The following STK32B variants were observed in gnomAD, a reference collection of about 807,000 sequenced individuals.
The protein encoded by STK32B is serine/threonine kinase 32B.
STK32B carries 43 observed loss-of-function variants against 52.6 expected under a neutral mutation model. The ratio of observed to expected loss-of-function variants is 0.82; its 90% confidence interval spans 0.64 to 1.05. The LOEUF is 1.05. STK32B is among the 50% of genes least tolerant of loss of function. The pLI is 0.00. For synonymous variants in STK32B, 238 were observed against 204.3 expected, an observed-to-expected ratio of 1.17 and a Z score of -1.41; for missense variants, 621 against 534.6, an observed-to-expected ratio of 1.16 and a Z score of -1.59.
Position 5,430,235 on chromosome 4 carries a change from T to C in STK32B, c.562+13301T>C, listed in dbSNP as rs147052545. 6.7e-3 allele frequency among the ~76,000 whole-genome samples: 1,019 copies of C among 152,298 alleles called. 6 individuals are homozygous for C. Among genetic ancestry groups the C allele is most frequent in the Non-Finnish European group, 9.2e-3 (623 of 68,008 alleles). On this transcript the variant is annotated intron_variant, in intron 6 of 11. Transcript: ENST00000282908. ...TCAAAACCCGAAGTGAGATGTTTGA[T>C]ATTTTCCCTCACAATATTTACATGC...
rs56268219 is a variant in STK32B at position 5,453,773 on chromosome 4, C to T, written c.667-3034C>T. Among the ~76,000 whole-genome samples, 8,787 of 151,990 alleles carry T rather than the reference C, an allele frequency of 0.058. 459 individuals are homozygous for T. Among genetic ancestry groups the T allele is most frequent in the African/African-American group, 0.14 (5,678 of 41,414 alleles). Reference sequence around the variant, plus strand: ...AAAAAAGATTAGTGGGGCATGGTGACGCGTGCCTGTAATCCCAGCTACTTG... The same window carrying T: ...AAAAAAGATTAGTGGGGCATGGTGATGCGTGCCTGTAATCCCAGCTACTTG... On this transcript the variant is annotated intron_variant, in intron 7 of 11. Transcript: ENST00000282908. The surrounding 1 kb of genome is among the most constrained non-coding windows in gnomAD (Gnocchi z 4.0).
At chr4:5,033,263 A>T in the STK32B span, among the ~76,000 whole-genome samples, 1 of 152,102 alleles carries the variant, frequency 6.6e-6, no homozygotes. Context: ...CGGCGTCCAC[A>T]GCTGCAGCAC....
At chr4:5,433,932 C>T (rs186802300) in intron 6 of STK32B, among the ~76,000 whole-genome samples, 23 of 152,360 alleles carry the variant, frequency 1.5e-4, no homozygotes, top group East Asian at 7.7e-4. Flanking sequence ...TCTCATTTCA[C>T]GCCCCATGTT....
At chr4:5,124,704 G>A in intron 1 of STK32B, among the ~76,000 whole-genome samples, 1 of 152,220 alleles carries the variant, frequency 6.6e-6, no homozygotes, top group Non-Finnish European at 1.5e-5. Context: ...ATGTGTACAT[G>A]TCTGTGTGCA....
chr4:5,312,734 C>A (rs894901977), intron 3 of STK32B, among the ~76,000 whole-genome samples: 2 of 150,238 alleles, frequency 1.3e-5, no homozygotes, highest in African/African-American at 4.9e-5. Flanking sequence ...GTGAATAGTG[C>A]CACAATAAAC....
At chr4:5,358,561 A>G (rs1734324635) in intron 4 of STK32B, among the ~76,000 whole-genome samples, 1 of 152,090 alleles carries the variant, frequency 6.6e-6, no homozygotes, top group Non-Finnish European at 1.5e-5. Flanking sequence ...TTAAGAACAA[A>G]GACATTAAGA....
chr4:5,049,169 C>T (rs905532062), upstream of STK32B, among the ~76,000 whole-genome samples: 1 of 152,140 alleles, frequency 6.6e-6, no homozygotes, highest in African/African-American at 2.4e-5. Flanking sequence ...TCAGCGCCAG[C>T]ACCCTCTCTG....
chr4:5,471,735 G>A (rs1717870435), intron 11 of STK32B, among the ~76,000 whole-genome samples: 1 of 152,108 alleles, frequency 6.6e-6, no homozygotes, highest in Admixed American at 6.5e-5. Context: ...TTGGAATCTT[G>A]CGCAGGAGAC....
chr4:5,201,377 G>A (rs1468395988), intron 3 of STK32B, among the ~76,000 whole-genome samples: 1 of 152,110 alleles, frequency 6.6e-6, no homozygotes, highest in Non-Finnish European at 1.5e-5. Context: ...GGTTCGCGCA[G>A]GACTGCCACA....
At chr4:5,025,151 G>C in the STK32B span, among the ~76,000 whole-genome samples, 1 of 152,112 alleles carries the variant, frequency 6.6e-6, no homozygotes, top group African/African-American at 2.4e-5. Context: ...TCTGACTCAG[G>C]ACCCAGCACT....
At chr4:5,494,570 T>C (rs556530616) in intron 11 of STK32B, among the ~76,000 whole-genome samples, 4 of 152,288 alleles carry the variant, frequency 2.6e-5, no homozygotes, top group Admixed American at 6.5e-5. Flanking sequence ...ATTTAGCCCA[T>C]TTACATTTAA....
intron 3 of STK32B, among the ~76,000 whole-genome samples, chr4:5,194,172 A>T (rs994239871): frequency 1.3e-5 from 2 of 151,972 alleles, no homozygotes; most frequent in African/African-American, 4.8e-5. Context: ...CTTTATAGAA[A>T]TTTTTTCCAT....
At chr4:5,218,929 G>A (rs1325928837) in intron 3 of STK32B, among the ~76,000 whole-genome samples, 1 of 152,008 alleles carries the variant, frequency 6.6e-6, no homozygotes, top group African/African-American at 2.4e-5. Flanking sequence ...AGGTGGCACA[G>A]GCCCCACTGA....
Position 5,439,750 on chromosome 4 carries a change from G to A in STK32B, c.563-6923G>A, listed in dbSNP as rs532862808. On this transcript the variant is annotated intron_variant, in intron 6 of 11. Coordinates refer to ENST00000282908, the MANE Select transcript of STK32B (RefSeq NM_018401.3). ...ATATGGTTTTAGGTCTAACGTTTAA[G>A]TCTTTAATCCATCTTGAATTGATTT... 4.3e-4 allele frequency among the ~76,000 whole-genome samples: 66 copies of A among 152,252 alleles called. 1 individual carries two copies. In the South Asian group the frequency reaches 0.012, roughly 28 times the overall value.
chr4:5,212,277 A>G (rs962690417), intron 3 of STK32B, among the ~76,000 whole-genome samples: 2 of 152,222 alleles, frequency 1.3e-5, no homozygotes, highest in African/African-American at 4.8e-5. Context: ...CATGTCTAAC[A>G]TGACACAGCT....
intron 1 of STK32B, among the ~76,000 whole-genome samples, chr4:5,097,447 C>G (rs1212987036): frequency 6.6e-6 from 1 of 152,182 alleles, no homozygotes; most frequent in African/African-American, 2.4e-5. Flanking sequence ...GATACTGTTT[C>G]AACAGAAATG....
At chr4:5,276,696 A>G (rs1161176816) in intron 3 of STK32B, among the ~76,000 whole-genome samples, 1 of 151,954 alleles carries the variant, frequency 6.6e-6, no homozygotes, top group African/African-American at 2.4e-5. Flanking sequence ...TCTTTTCATC[A>G]CGAGGCTGAG....
rs367853946 is a variant in STK32B, at chr4:5,350,174, C to G, written c.434+18781C>G. On this transcript the variant is annotated intron_variant, in intron 4 of 11. Coordinates refer to ENST00000282908, the MANE Select transcript of STK32B (RefSeq NM_018401.3). The stretch of plus-strand genomic sequence containing the variant: ...GGTTTACTCCATGGCACATTCTAGT[C>G]AAAATGTCAAAAGTCAAAGAAATTA... 5.9e-5 allele frequency among the ~76,000 whole-genome samples: 9 copies of G among 151,804 alleles called. No individual in the cohort carries two copies. The South Asian group carries it at 1.9e-3, about 32-fold the overall frequency.
At chr4:5,382,947 C>T (rs1302406486) in intron 4 of STK32B, among the ~76,000 whole-genome samples, 1 of 152,182 alleles carries the variant, frequency 6.6e-6, no homozygotes, top group East Asian at 1.9e-4. Flanking sequence ...CTCTCTGACT[C>T]TTATGCGTTT....
Sources: allele counts gnomAD v4.1 joint callset (sites outside exome capture counted in the v4.1 genomes callset), GRCh38; gene constraint gnomAD v4.1.1; non-coding constraint Gnocchi (gnomAD v3.1); transcripts MANE v1.5; gene names NCBI Gene and HGNC (gene_info 2026-07-23, HGNC 2026-07-21).